Variants in ELN observed in about 807,000 individuals in gnomAD.
The protein encoded by ELN is tropoelastin.
A neutral mutation model predicts 105.8 loss-of-function variants in ELN; 65 were observed. The observed-to-expected ratio is 0.61, with a 90% CI of 0.50 to 0.75. ELN has a LOEUF of 0.75. Ranked by LOEUF, ELN falls within the 30% of genes least tolerant of loss-of-function variation. The probability of loss-of-function intolerance (pLI) is 0.00; values close to 1 mark genes in which losing one functional copy is unlikely to be tolerated. For synonymous variants in ELN, 368 were observed against 389.2 expected (o/e 0.95, Z 0.64); for missense variants, 882 against 969.4 (o/e 0.91, Z 1.20).
chr7:74,060,190 T>G lies in ELN; in HGVS notation c.1621+6T>G. The G allele has an allele frequency of 6.2e-7, 1 of 1,613,984 alleles. No individual in the cohort carries two copies. Among genetic ancestry groups the G allele is most frequent in the South Asian group, 1.1e-5 (1 of 91,088 alleles). ...GGCTGCCAAAGCCCAGCTCCGTGAGTGCCTCGCCCACCTTTCTCTCCTCTC... is the reference window on the plus strand; with the variant it reads ...GGCTGCCAAAGCCCAGCTCCGTGAGGGCCTCGCCCACCTTTCTCTCCTCTC... On this transcript the variant is annotated splice_donor_region_variant and intron_variant, in intron 24 of 32. Transcript: ENST00000252034.
At chr7:74,065,570 C>T (rs1323779722) in intron 29 of ELN, 124 bp from the exon 30 acceptor site, 30 of 1,161,730 alleles carry the variant, frequency 2.6e-5, no homozygotes, top group Middle Eastern at 4.2e-4. Flanking sequence ...GCCGGGATCG[C>T]GCCACTGCAC....
At chr7:74,037,161 C>T (rs2131240982) in intron 3 of ELN, among the ~76,000 whole-genome samples, 1 of 150,522 alleles carries the variant, frequency 6.6e-6, no homozygotes, top group East Asian at 2.0e-4. Context: ...TCCTCAAAAA[C>T]CTCCCTGCCA....
chr7:74,028,211 C>T lies in ELN; in HGVS notation c.24C>T (p.Ala8=). Residue 8 remains alanine (A), a synonymous_variant, in exon 1 of 33, where the codon GCC becomes GCT. Coordinates refer to ENST00000252034, the MANE Select transcript of ELN (RefSeq NM_000501.4). MAGLTAA[A]PRPGVLLLLL... is the part of the protein sequence containing the mutation. ...AGATGGCGGGTCTGACGGCGGCGGC[C>T]CCGCGGCCCGGAGTCCTCCTGCTCC... 6.2e-7 allele frequency: 1 copy of T among 1,611,416 alleles called. No homozygotes were observed. The highest frequency in any genetic ancestry group is 8.5e-7 in the Non-Finnish European group (1 of 1,179,692).
In ELN at chr7:74,063,685, G is replaced by A. The variant is rs1797235055; in HGVS notation, c.1983G>A (p.Gly661=). ...GVGGLGVPGV[G]GLGGIPPAAA... Reference sequence around the variant, plus strand: ...GAGGGCTTGGAGTTCCAGGTGTTGGGGGCCTTGGAGGTGAGAGTTGTTCTG... The same window carrying A: ...GAGGGCTTGGAGTTCCAGGTGTTGGAGGCCTTGGAGGTGAGAGTTGTTCTG... The change falls in exon 29 of 33, where the codon GGG becomes GGA. Residue 661 remains glycine, a synonymous_variant. Coordinates refer to ENST00000252034, the MANE Select transcript of ELN (RefSeq NM_000501.4). This position sits in a 1 kb window ranked among gnomAD's most constrained non-coding sequence, Gnocchi z 4.1. The A allele has an allele frequency of 6.2e-7, 1 of 1,614,180 alleles. No homozygotes were observed. Among genetic ancestry groups the A allele is most frequent in the African/African-American group, 1.3e-5 (1 of 75,046 alleles).
At chr7:74,050,764 G>A (rs1348009631) in intron 15 of ELN, among the ~76,000 whole-genome samples, 1 of 152,118 alleles carries the variant, frequency 6.6e-6, no homozygotes, top group African/African-American at 2.4e-5. Context: ...ACTGTTGTGG[G>A]AGTCAAGAAA....
At chr7:74,053,437 A>C in intron 18 of ELN, 128 bp downstream of exon 18, 1 of 1,516,604 alleles carries the variant, frequency 6.6e-7, no homozygotes, top group Non-Finnish European at 8.9e-7. Flanking sequence ...CATACCCTTG[A>C]CCACGTCTCA....
At chr7:74,047,505 T>A (rs1792853809) in intron 12 of ELN, among the ~76,000 whole-genome samples, 170 bp from the exon 13 acceptor site, 1 of 151,916 alleles carries the variant, frequency 6.6e-6, no homozygotes, top group Non-Finnish European at 1.5e-5. Flanking sequence ...GGGGCAGAGG[T>A]GTCCTCTCCC....
rs1175803186 is a variant in ELN at position 74,048,575 on chromosome 7, C to A, written c.799+19C>A. The A allele has an allele frequency of 3.1e-6, 5 of 1,613,574 alleles. No homozygotes were observed. The highest frequency in any genetic ancestry group is 4.2e-6 in the Non-Finnish European group (5 of 1,179,746). ...AAGTTCGGTGAGTGCCCCTGGAGTC[C>A]CCACCTGGTGGCCTCCAGGCCCCTA... On this transcript the variant is annotated intron_variant, in intron 15 of 32. Transcript: ENST00000252034.
At chr7:74,061,979 G>A (rs973876327) in intron 26 of ELN, among the ~76,000 whole-genome samples, 1 of 152,176 alleles carries the variant, frequency 6.6e-6, no homozygotes, top group African/African-American at 2.4e-5. Flanking sequence ...CCGGGCCCCC[G>A]CCCGCCTTCC....
chr7:74,060,661 G>C, intron 25 of ELN, 160 bp downstream of exon 25: 2 of 1,543,814 alleles, frequency 1.3e-6, no homozygotes, highest in South Asian at 1.2e-5. Context: ...ATAGCGGGAG[G>C]AGGGCAGACC....
chr7:74,066,672 G>A (rs1205952472), intron 31 of ELN, 60 bp from the exon 32 acceptor site: 2 of 1,576,274 alleles, frequency 1.3e-6, no homozygotes, highest in African/African-American at 2.7e-5. Flanking sequence ...GGCAGAAAGT[G>A]ATGAGGCTGG....
chr7:74,068,879 T>A lies in ELN; in HGVS notation c.*179T>A. 1.4e-6 allele frequency: 1 copy of A among 729,826 alleles called. No individual in the cohort carries two copies. The highest frequency in any genetic ancestry group is 2.4e-6 in the Non-Finnish European group (1 of 424,122). The allele number at this position is 729,826 out of a possible 1,614,324, so 45.2% of individuals were successfully genotyped here. On this transcript the variant is annotated 3_prime_UTR_variant, in exon 33 of 33. Coordinates refer to ENST00000252034, the MANE Select transcript of ELN (RefSeq NM_000501.4). ...AGGAAACAAGAGGGGAGCGGCCAAG[T>A]GCCCCGACCAGGAGGCCCCCTACTT...
Position 74,069,139 on chromosome 7 carries a change from C to G in ELN, c.*439C>G. ...TCCCAGCTCCCCCTGCCCACCAGGA[C>G]CCACCGTTGGCTGCCATCCAGTTGG... On this transcript the variant is annotated 3_prime_UTR_variant, in exon 33 of 33. Transcript: ENST00000252034. 1 of 297,702 alleles carries G rather than the reference C, an allele frequency of 3.4e-6. No homozygotes were observed. Among genetic ancestry groups the G allele is most frequent in the East Asian group, 5.1e-5 (1 of 19,794 alleles). 18.4% of individuals were successfully genotyped at this position (297,702 alleles called of 1,614,324 possible).
rs1337266684 is a variant in ELN, at chr7:74,064,307, C to T, written c.1993+612C>T. Among the ~76,000 whole-genome samples the T allele has an allele frequency of 4.6e-5, 7 of 151,676 alleles. No homozygotes were observed. The South Asian group carries it at 6.2e-4, about 14-fold the overall frequency. ...GCAGACGCCTGTAGTCCCAGCTACT[C>T]AGGAGGCTGAGGCAGAAGAATGGCG... On this transcript the variant is annotated intron_variant, in intron 29 of 32. Transcript: ENST00000252034.
intron 1 of ELN, among the ~76,000 whole-genome samples, chr7:74,028,728 C>T (rs1233826129): frequency 2.0e-5 from 3 of 152,196 alleles, no homozygotes; most frequent in African/African-American, 7.2e-5. Flanking sequence ...GTGACCTCAG[C>T]AGGTTCCTTG....
At position 74,056,391 on chromosome 7, in the gene ELN, G is replaced by A. The variant is rs782725817; in HGVS notation, c.1271G>A (p.Gly424Glu). 30 of 1,613,434 alleles carry A rather than the reference G, an allele frequency of 1.9e-5. No homozygotes were observed. In the East Asian group the frequency reaches 5.6e-4, roughly 30 times the overall value. The change falls in exon 20 of 33, where the codon GGA becomes GAA. Residue 424 changes from glycine to glutamate, a missense_variant. Coordinates refer to ENST00000252034, the MANE Select transcript of ELN (RefSeq NM_000501.4). ...IPGVAGVPGVGGVPGVGGVPG... is the reference protein window; with the variant it reads ...IPGVAGVPGVEGVPGVGGVPG... ...GGAGTCGCAGGTGTCCCTGGTGTCG[G>A]AGGTGTTCCCGGAGTCGGAGGTGTC...
In ELN at chr7:74,056,347, C is replaced by T. The variant is rs782477777; in HGVS notation, c.1227C>T (p.Val409=). 1.7e-5 allele frequency: 27 copies of T among 1,613,398 alleles called. No homozygotes were observed. In the African/African-American group the frequency reaches 2.1e-4, roughly 13 times the overall value. ...CTGGGGGCTTTCCCGGCTTTGGTGT[C>T]GGAGTCGGAGGTATCCCTGGAGTCG... ...VGAGGFPGFG[V]GVGGIPGVAG... The change falls in exon 20 of 33, where the codon GTC becomes GTT. Residue 409 remains valine, a synonymous_variant. Transcript: ENST00000252034.
At chr7:74,066,646 T>C in intron 31 of ELN, 86 bp from the exon 32 acceptor site, 1 of 1,336,098 alleles carries the variant, frequency 7.5e-7, no homozygotes. Flanking sequence ...ACAGAGGTCT[T>C]GGGTGAGCCA....
At chr7:74,032,077 GTA>G (rs1475774917) in intron 1 of ELN, among the ~76,000 whole-genome samples, 2 of 152,100 alleles carry the variant, frequency 1.3e-5, no homozygotes, top group Admixed American at 1.3e-4. Context: ...ATCATGGGAG[GTA>G]TGCAAGCAGA....
Sources: allele counts gnomAD v4.1 joint callset (sites outside exome capture counted in the v4.1 genomes callset), GRCh38; gene constraint gnomAD v4.1.1; non-coding constraint Gnocchi (gnomAD v3.1); transcripts MANE v1.5; gene names NCBI Gene and HGNC (gene_info 2026-07-23, HGNC 2026-07-21).